The following ANK3 variants were observed in gnomAD, a reference collection of about 807,000 sequenced individuals.
ANK3 encodes ankyrin-3.
A neutral mutation model predicts 370.9 loss-of-function variants in ANK3; 57 were observed. The ratio of observed to expected loss-of-function variants is 0.15; its 90% CI spans 0.12 to 0.19. The LOEUF (loss-of-function observed/expected upper bound fraction) is 0.19. Ranked by LOEUF, ANK3 falls within the 10% of genes least tolerant of loss-of-function variation. The pLI is 1.00. For missense variants in ANK3, 4,439 were observed against 5,302.1 expected, an observed-to-expected ratio of 0.84 and a Z score of 5.06; for synonymous variants, 1,929 against 1,946.3, an observed-to-expected ratio of 0.99 and a Z score of 0.23.
At chr10:60,513,893 C>T (rs544394930) in intron 2 of ANK3, among the ~76,000 whole-genome samples, 183 of 152,232 alleles carry the variant, frequency 1.2e-3, no homozygotes, top group Non-Finnish European at 2.1e-3. Context: ...TATACACGGA[C>T]CTTTTTCAAT....
intron 2 of ANK3, among the ~76,000 whole-genome samples, chr10:60,574,071 T>C (rs2077651939): frequency 6.6e-6 from 1 of 152,136 alleles, no homozygotes; most frequent in Non-Finnish European, 1.5e-5. Context: ...TAACAGTGGT[T>C]GAGGACATGA....
At chr10:60,196,357 T>C in intron 15 of ANK3, 114 bp from the exon 16 acceptor site, 1 of 1,039,138 alleles carries the variant, frequency 9.6e-7, no homozygotes, top group Non-Finnish European at 1.4e-6. Context: ...TACATTCCGG[T>C]TTCCACAGTA....
At chr10:60,646,686 T>C (rs960883303) in intron 1 of ANK3, among the ~76,000 whole-genome samples, 4 of 152,128 alleles carry the variant, frequency 2.6e-5, no homozygotes, top group African/African-American at 9.7e-5. Context: ...TACCGTGACC[T>C]GAGGAACCCC....
rs531466324 is a variant in ANK3 at position 60,202,562 on chromosome 10, C to T, written c.1392+440G>A. 1.2e-3 allele frequency among the ~76,000 whole-genome samples: 184 copies of T among 152,278 alleles called. 1 individual carries two copies. The highest frequency in any genetic ancestry group is 2.6e-3 in the Admixed American group (39 of 15,288). On this transcript the variant is annotated intron_variant, in intron 12 of 43. Transcript: ENST00000280772. ...TTGAAGTAAAGGAAACAAATGTATT[C>T]TTGAACTTTCTTCTTTTAAGTAGTC...
chr10:60,226,775 GAATT>G lies in ANK3; in HGVS notation c.897+7909_897+7912del, dbSNP rs577415237. ...GTAATATTAATATTACATATATACT[GAATT>G]AATATACCACTTTATGTATAACAAG... On this transcript the variant is annotated intron_variant, in intron 8 of 43. Coordinates refer to ENST00000280772, the MANE Select transcript of ANK3 (RefSeq NM_020987.5). Among the ~76,000 whole-genome samples the G allele has an allele frequency of 7.1e-3, 1,033 of 144,824 alleles. 16 individuals are homozygous for G. The highest frequency in any genetic ancestry group is 0.024 in the African/African-American group (953 of 39,548).
At chr10:60,240,281 C>CATATAT (rs35855721) in intron 7 of ANK3, among the ~76,000 whole-genome samples, 17 of 88,348 alleles carry the variant, frequency 1.9e-4, no homozygotes, top group Non-Finnish European at 3.0e-4. Flanking sequence ...TACACACACA[C>CATATAT]ATATATATAT....
intron 2 of ANK3, among the ~76,000 whole-genome samples, chr10:60,503,499 A>G (rs2075858377): frequency 6.6e-6 from 1 of 152,062 alleles, no homozygotes; most frequent in Non-Finnish European, 1.5e-5. Context: ...AGTTAAGTAA[A>G]TTTTCTAAGG....
intron 1 of ANK3, among the ~76,000 whole-genome samples, chr10:60,633,688 G>T (rs2078514579): frequency 6.6e-6 from 1 of 152,078 alleles, no homozygotes. Flanking sequence ...ATTGGGTAAG[G>T]GTATTCCACC....
At chr10:60,408,418 C>G (rs1160500871) in intron 2 of ANK3, among the ~76,000 whole-genome samples, 1 of 152,064 alleles carries the variant, frequency 6.6e-6, no homozygotes, top group East Asian at 1.9e-4. Flanking sequence ...TATGGCACCC[C>G]CTCCCCAACC....
intron 7 of ANK3, among the ~76,000 whole-genome samples, chr10:60,238,132 G>A (rs1421916148): frequency 6.6e-6 from 1 of 152,106 alleles, no homozygotes; most frequent in East Asian, 1.9e-4. Flanking sequence ...AATGAAAGTG[G>A]TACCTCAGGG....
chr10:60,565,083 C>T (rs1315034080), intron 2 of ANK3, among the ~76,000 whole-genome samples: 1 of 151,860 alleles, frequency 6.6e-6, no homozygotes, highest in African/African-American at 2.4e-5. Context: ...ACATATAGTC[C>T]TACGAGATAA....
At chr10:60,529,261 C>T (rs2076548787) in intron 2 of ANK3, among the ~76,000 whole-genome samples, 2 of 152,088 alleles carry the variant, frequency 1.3e-5, no homozygotes, top group South Asian at 4.1e-4. Flanking sequence ...GTCATCAGGC[C>T]TGAGTGTGCT....
chr10:60,336,426 T>C (rs557782420), intron 1 of ANK3, among the ~76,000 whole-genome samples: 35 of 152,336 alleles, frequency 2.3e-4, no homozygotes, highest in African/African-American at 8.2e-4. Context: ...CTGTAAGCCC[T>C]GGATGCTCTT....
chr10:60,336,087 T>TGGCG (rs1276727004), intron 1 of ANK3, among the ~76,000 whole-genome samples: 1 of 146,956 alleles, frequency 6.8e-6, no homozygotes, highest in African/African-American at 2.7e-5. Context: ...TAACATAGTT[T>TGGCG]GGCGGGGGGG....
intron 2 of ANK3, among the ~76,000 whole-genome samples, chr10:60,529,732 A>C (rs1463193614): frequency 6.6e-6 from 1 of 152,198 alleles, no homozygotes; most frequent in African/African-American, 2.4e-5. Context: ...GCACTGGCAT[A>C]TATGAGATGT....
chr10:60,698,275 G>A (rs964511345), intron 1 of ANK3, among the ~76,000 whole-genome samples: 2 of 149,968 alleles, frequency 1.3e-5, no homozygotes, highest in African/African-American at 2.4e-5. Flanking sequence ...AGGATGTGGA[G>A]AAATAGGAAC....
intron 1 of ANK3, among the ~76,000 whole-genome samples, chr10:60,312,672 G>T (rs1057282398): frequency 6.6e-6 from 1 of 152,084 alleles, no homozygotes; most frequent in Admixed American, 6.5e-5. Flanking sequence ...TTGTTAACAG[G>T]TTTCGCATCT....
chr10:60,140,266 A>C, intron 23 of ANK3: 1 of 1,379,464 alleles, frequency 7.2e-7, no homozygotes, highest in Non-Finnish European at 1.0e-6. Context: ...GATTATTTTA[A>C]GTAACTATTT....
At chr10:60,221,226 C>T (rs2097050729) in intron 8 of ANK3, among the ~76,000 whole-genome samples, 1 of 151,822 alleles carries the variant, frequency 6.6e-6, no homozygotes, top group African/African-American at 2.4e-5. Context: ...ATTACAGGCG[C>T]CTGCCACCAC....
Sources: gnomAD v4.1 joint callset for allele counts (sites outside exome capture counted in the v4.1 genomes callset) on GRCh38, gnomAD v4.1.1 for gene constraint, MANE v1.5 for transcripts, NCBI Gene and HGNC (gene_info 2026-07-23, HGNC 2026-07-21) for gene names.